Variants in RASGRF1 observed in about 807,000 individuals in gnomAD.
RASGRF1 encodes ras-specific guanine nucleotide-releasing factor 1.
A neutral mutation model predicts 138.7 loss-of-function variants in RASGRF1; 40 were observed. That is an observed-to-expected ratio of 0.29 (90% CI 0.22 to 0.38). The LOEUF is 0.38. Ranked by LOEUF, RASGRF1 falls within the 10% of genes least tolerant of loss-of-function variation. The pLI is 1.00. For synonymous variants in RASGRF1, 614 were observed against 663.2 expected (o/e 0.93, Z 1.14); for missense variants, 1,108 against 1,650.4 (o/e 0.67, Z 5.69).
At chr15:79,052,659 A>G (rs1276250526) in intron 3 of RASGRF1, among the ~76,000 whole-genome samples, 2 of 152,244 alleles carry the variant, frequency 1.3e-5, no homozygotes, top group Non-Finnish European at 2.9e-5. Flanking sequence ...CTTGGCCAGG[A>G]AGTGGCAAGG....
At chr15:79,034,296 AAAAG>A (rs886534504) in intron 6 of RASGRF1, among the ~76,000 whole-genome samples, 9 of 152,202 alleles carry the variant, frequency 5.9e-5, no homozygotes, top group African/African-American at 1.9e-4. Context: ...GTGAAAAAAA[AAAAG>A]AAAGACATTT....
intron 1 of RASGRF1, among the ~76,000 whole-genome samples, chr15:79,076,812 A>G (rs1339792201): frequency 2.6e-5 from 4 of 152,206 alleles, no homozygotes; most frequent in Non-Finnish European, 5.9e-5. Flanking sequence ...CCTTTCAAAG[A>G]AATGATTCCT....
At chr15:79,021,548 A>G (rs1331424255) in intron 10 of RASGRF1, among the ~76,000 whole-genome samples, 2 of 152,250 alleles carry the variant, frequency 1.3e-5, no homozygotes, top group Non-Finnish European at 2.9e-5. Flanking sequence ...GTCATTTTAA[A>G]TCTTGCAGAT....
Position 78,998,099 on chromosome 15 carries a change from A to G in RASGRF1, c.2963T>C (p.Ile988Thr). Residue 988 changes from isoleucine (I) to threonine (T), a missense_variant, in exon 19 of 27, where the codon ATC becomes ACC. By Grantham distance (89) the Ile-to-Thr change is moderately conservative. This residue lies in a region of RASGRF1 where 686 missense variants were observed against 976.7 expected (regional missense o/e 0.70). Transcript: ENST00000558480. ...TQERKAAANI[I>T]RTLTQEDPGD... ...AGGAACCAGGTACTGCCTTTACCTG[A>G]TGATGTTGGCTGCAGCCTTCCGCTC... 1 of 1,611,900 alleles carries G rather than the reference A, an allele frequency of 6.2e-7. No individual in the cohort carries two copies.
At chr15:78,998,875 C>T in intron 17 of RASGRF1, 50 bp from the exon 18 acceptor site, 1 of 1,450,422 alleles carries the variant, frequency 6.9e-7, no homozygotes, top group Non-Finnish European at 9.7e-7. Context: ...GGACAAGAAA[C>T]AGAGCTTGAC....
intron 23 of RASGRF1, 61 bp from the exon 24 acceptor site, chr15:78,980,760 G>C (rs1384388820): frequency 7.7e-7 from 1 of 1,305,820 alleles, no homozygotes; most frequent in Middle Eastern, 1.9e-4. Flanking sequence ...CGAGGCCCGG[G>C]GATCAGGCCC....
chr15:79,016,484 G>T (rs985868509), intron 12 of RASGRF1, among the ~76,000 whole-genome samples: 1 of 152,236 alleles, frequency 6.6e-6, no homozygotes, highest in South Asian at 2.1e-4. Flanking sequence ...TGGGGAAGGG[G>T]CCAGAGGACT....
At chr15:79,015,499 C>A in intron 12 of RASGRF1, 90 bp from the exon 13 acceptor site, 2 of 1,202,882 alleles carry the variant, frequency 1.7e-6, no homozygotes, top group Admixed American at 1.7e-5. Context: ...AGTTCACATG[C>A]CTCAGTCTGA....
rs892241385 is a variant in RASGRF1, at chr15:79,090,594, C to A, written c.-96G>T. 4 of 1,518,508 alleles carry A rather than the reference C, an allele frequency of 2.6e-6. No homozygotes were observed. Among genetic ancestry groups the A allele is most frequent in the Non-Finnish European group, 3.6e-6 (4 of 1,124,296 alleles). The allele number at this position is 1,518,508 out of a possible 1,614,324, so 94.1% of individuals were successfully genotyped here. On this transcript the variant is annotated 5_prime_UTR_variant, in exon 1 of 27. Coordinates refer to ENST00000558480, the MANE Select transcript of RASGRF1 (RefSeq NM_001145648.3). ...CTGCGCGCTGCCTCTCTCTGGCGCT[C>A]GCTCGCTCGCTCCCTCTAGCTCTCC...
In RASGRF1 at chr15:78,961,818, G is replaced by A. The variant is rs933004978; in HGVS notation, c.*326C>T. On this transcript the variant is annotated 3_prime_UTR_variant, in exon 27 of 27. Coordinates refer to ENST00000558480, the MANE Select transcript of RASGRF1 (RefSeq NM_001145648.3). ...CCAGGAGCCTGGGCTGGGGAGGGAC[G>A]GAAGCAGGACTGGAGTCTAAGATTC... 2.1e-5 allele frequency: 4 copies of A among 193,898 alleles called. No individual in the cohort carries two copies. In the South Asian group the frequency reaches 3.4e-4, roughly 17 times the overall value. 12.0% of individuals were successfully genotyped at this position (193,898 alleles called of 1,614,324 possible). A position where few individuals can be genotyped will look rare whatever the true frequency, so the allele number is the denominator to read the frequency against.
Position 78,979,023 on chromosome 15 carries a change from C to A in RASGRF1, c.3494+1597G>T, listed in dbSNP as rs574798894. ...GAGGCAGTGGAGGCAGCGGTGGTGG[C>A]GGCGGCAGACGAGGAAGCCAGCCAT... is the stretch of plus-strand genomic sequence containing the variant. On this transcript the variant is annotated intron_variant, in intron 24 of 26. Transcript: ENST00000558480. 1.2e-5 allele frequency: 15 copies of A among 1,293,410 alleles called. 1 individual carries two copies. In the South Asian group the frequency reaches 1.3e-4, roughly 12 times the overall value. 80.1% of individuals were successfully genotyped at this position (1,293,410 alleles called of 1,614,324 possible). A position where few individuals can be genotyped will look rare whatever the true frequency, so the allele number is the denominator to read the frequency against.
intron 1 of RASGRF1, among the ~76,000 whole-genome samples, chr15:79,086,072 T>C (rs2057975481): frequency 6.6e-6 from 1 of 152,140 alleles, no homozygotes; most frequent in South Asian, 2.1e-4. Context: ...GCCCACACAG[T>C]TGATCCTGGG....
chr15:78,986,828 GA>G (rs2056169248), intron 22 of RASGRF1, among the ~76,000 whole-genome samples: 1 of 152,124 alleles, frequency 6.6e-6, no homozygotes, highest in African/African-American at 2.4e-5. Context: ...AACTACTTAA[GA>G]ATGGAACTAC....
chr15:79,006,345 C>G lies in RASGRF1; in HGVS notation c.1916G>C (p.Ser639Thr), dbSNP rs766606451. The G allele has an allele frequency of 2.5e-6, 4 of 1,614,242 alleles. No homozygotes were observed. The South Asian group carries it at 3.3e-5, about 13-fold the overall frequency. Residue 639 changes from serine to threonine, a missense_variant, in exon 14 of 27, where the codon AGT becomes ACT. By Grantham distance (58) the Ser-to-Thr change is moderately conservative (BLOSUM62 1). Coordinates refer to ENST00000558480, the MANE Select transcript of RASGRF1 (RefSeq NM_001145648.3). The surrounding 1 kb of genome is among the most constrained non-coding windows in gnomAD (Gnocchi z 4.0). ...SCKVLQIRYA[S>T]VERLLERLTD... Reference sequence around the variant, plus strand: ...CAGCCTCTCCAGCAGCCGCTCCACACTGGCGTAGCGGATCTGCAGCACTTT... The same window carrying G: ...CAGCCTCTCCAGCAGCCGCTCCACAGTGGCGTAGCGGATCTGCAGCACTTT...
intron 1 of RASGRF1, among the ~76,000 whole-genome samples, chr15:79,089,644 G>A (rs919335625): frequency 1.3e-5 from 2 of 152,216 alleles, no homozygotes; most frequent in East Asian, 1.9e-4. Context: ...GCCCACCACC[G>A]CTCGATGGTA....
rs979860196 is a variant in RASGRF1, at chr15:78,996,203, G to C, written c.2967-403C>G. The stretch of plus-strand genomic sequence containing the variant: ...ATGACAGGAAGGAAGCACAGGGAGT[G>C]GGGAGGCAGCAGCATGGCAGCCACA... On this transcript the variant is annotated intron_variant, in intron 19 of 26. Transcript: ENST00000558480. 3.9e-5 allele frequency among the ~76,000 whole-genome samples: 6 copies of C among 152,346 alleles called. No individual in the cohort carries two copies. The South Asian group carries it at 8.3e-4, about 21-fold the overall frequency.
chr15:79,042,449 C>A (rs1335640176), intron 5 of RASGRF1, among the ~76,000 whole-genome samples: 1 of 152,198 alleles, frequency 6.6e-6, no homozygotes, highest in Non-Finnish European at 1.5e-5. Flanking sequence ...GCCCCCACAG[C>A]GTGGACAGCA....
At chr15:79,068,844 G>C (rs930915926) in intron 1 of RASGRF1, among the ~76,000 whole-genome samples, 1 of 152,086 alleles carries the variant, frequency 6.6e-6, no homozygotes, top group Non-Finnish European at 1.5e-5. Context: ...TGAGGGTCTA[G>C]GCATGGCACT....
chr15:79,089,678 T>A (rs918004831), intron 1 of RASGRF1, among the ~76,000 whole-genome samples: 1 of 152,204 alleles, frequency 6.6e-6, no homozygotes, highest in East Asian at 1.9e-4. Flanking sequence ...TGTAGCCCCA[T>A]AACCCCAGCC....
Sources: gnomAD v4.1 joint callset for allele counts (sites outside exome capture counted in the v4.1 genomes callset) on GRCh38, gnomAD v4.1.1 for gene constraint, gnomAD v4.1.1 regional missense constraint, Gnocchi (gnomAD v3.1) non-coding constraint, MANE v1.5 for transcripts, NCBI Gene and HGNC (gene_info 2026-07-23, HGNC 2026-07-21) for gene names.